PCBP3: variants seen among roughly 807,000 people sequenced by gnomAD.
PCBP3 encodes poly(rC) binding protein 3, also known as poly(rC)-binding protein 3.
PCBP3 carries 25 observed loss-of-function variants against 52.7 expected under a neutral mutation model. That is an observed-to-expected ratio of 0.47 (90% CI 0.35 to 0.66). The LOEUF is 0.66. PCBP3 is among the 30% of genes least tolerant of loss of function. The pLI is 0.01. For synonymous variants in PCBP3, 162 were observed against 183.0 expected, an observed-to-expected ratio of 0.89 and a Z score of 0.93; for missense variants, 391 against 490.3, an observed-to-expected ratio of 0.80 and a Z score of 1.91.
chr21:45,918,097 G>GAC, intron 13 of PCBP3: 1 of 210,016 alleles, frequency 4.8e-6, no homozygotes, highest in South Asian at 7.8e-5. Flanking sequence ...GAAAACATAG[G>GAC]GTCCATCTAC....
At chr21:45,766,224 C>G (rs949212050) in intron 4 of PCBP3, among the ~76,000 whole-genome samples, 1 of 152,228 alleles carries the variant, frequency 6.6e-6, no homozygotes, top group Non-Finnish European at 1.5e-5. Context: ...TGATGTGTTG[C>G]TGTGCCTCAC....
intron 4 of PCBP3, among the ~76,000 whole-genome samples, chr21:45,758,741 T>A (rs1305511098): frequency 6.6e-6 from 1 of 152,102 alleles, no homozygotes; most frequent in East Asian, 1.9e-4. Context: ...TTCTTTTACT[T>A]CTCTTAGGGT....
At chr21:45,922,384 T>C (rs1420316745) in intron 13 of PCBP3, among the ~76,000 whole-genome samples, 1 of 152,104 alleles carries the variant, frequency 6.6e-6, no homozygotes. Flanking sequence ...CAAGACCCCA[T>C]TTCTACAAAA....
intron 12 of PCBP3, chr21:45,916,363 T>C (rs1289276330): frequency 6.6e-6 from 1 of 152,202 alleles, no homozygotes; most frequent in African/African-American, 2.4e-5. Context: ...GACAGTGAGG[T>C]CCTTGGTTCC....
At chr21:45,823,812 A>G (rs1257083510) in intron 4 of PCBP3, among the ~76,000 whole-genome samples, 1 of 151,572 alleles carries the variant, frequency 6.6e-6, no homozygotes, top group Non-Finnish European at 1.5e-5. Flanking sequence ...CATGATCTCG[A>G]CTCACTGCAA....
rs1292131614 is a variant in PCBP3 at position 45,817,429 on chromosome 21, T to C, written c.-125-32532T>C. ...TCATGGAGTCCTTGCGTGCACAGCA[T>C]AGTATTTGGCCAACATCTTCCTGCA... On this transcript the variant is annotated intron_variant, in intron 4 of 17. Coordinates refer to ENST00000681687, the MANE Select transcript of PCBP3 (RefSeq NM_001384156.1). This position sits in a 1 kb window ranked among gnomAD's most constrained non-coding sequence, Gnocchi z 4.3. 1.3e-5 allele frequency among the ~76,000 whole-genome samples: 2 copies of C among 152,210 alleles called. No homozygotes were observed. The highest frequency in any genetic ancestry group is 2.1e-4 in the South Asian group (1 of 4,830).
At chr21:45,763,750 G>C (rs559356352) in intron 4 of PCBP3, 1 of 152,444 alleles carries the variant, frequency 6.6e-6, no homozygotes, top group South Asian at 2.1e-4. Flanking sequence ...CAGTGCCCTG[G>C]CGAGTGTCGC....
intron 11 of PCBP3, 32 bp downstream of exon 11, chr21:45,911,062 C>T (rs1226488192): frequency 6.2e-7 from 1 of 1,603,448 alleles, no homozygotes; most frequent in Non-Finnish European, 8.5e-7. Context: ...CAGCCCACGT[C>T]AGTGCTGGAT....
At chr21:45,723,245 C>T (rs954823410) in intron 2 of PCBP3, among the ~76,000 whole-genome samples, 5 of 152,160 alleles carry the variant, frequency 3.3e-5, no homozygotes, top group Admixed American at 2.6e-4. Flanking sequence ...CGTCTGCGGC[C>T]TAGTGGCCTG....
At chr21:45,811,494 G>A (rs556931483) in intron 4 of PCBP3, among the ~76,000 whole-genome samples, 7 of 152,344 alleles carry the variant, frequency 4.6e-5, no homozygotes, top group East Asian at 1.9e-4. Context: ...GGATAATCTC[G>A]CCATTGCAAG....
At chr21:45,874,933 G>C (rs1277543561) in intron 5 of PCBP3, among the ~76,000 whole-genome samples, 1 of 152,218 alleles carries the variant, frequency 6.6e-6, no homozygotes, top group East Asian at 1.9e-4. Flanking sequence ...GAGAGAGCAT[G>C]CAGGTCCCAA....
chr21:45,858,055 A>G (rs543830232), intron 5 of PCBP3, among the ~76,000 whole-genome samples: 5 of 152,250 alleles, frequency 3.3e-5, no homozygotes, highest in Admixed American at 6.5e-5. Context: ...CTTGCGGGCC[A>G]TGCCCCAGGG....
chr21:45,906,208 T>C (rs989626579), intron 9 of PCBP3, among the ~76,000 whole-genome samples: 1 of 152,196 alleles, frequency 6.6e-6, no homozygotes, highest in African/African-American at 2.4e-5. Flanking sequence ...CCCACCACCA[T>C]GAAGCACGTG....
intron 2 of PCBP3, among the ~76,000 whole-genome samples, chr21:45,669,785 C>T (rs2081030648): frequency 2.0e-5 from 2 of 98,588 alleles, no homozygotes; most frequent in Admixed American, 2.4e-4. Context: ...AATAATATTC[C>T]ATTGTGTGTG....
rs2080027347 is a variant in PCBP3, at chr21:45,656,498, G to A, written c.-278-12376G>A. Among the ~76,000 whole-genome samples the A allele has an allele frequency of 6.6e-6, 1 of 151,970 alleles. No homozygotes were observed. The highest frequency in any genetic ancestry group is 1.5e-5 in the Non-Finnish European group (1 of 67,992). On this transcript the variant is annotated intron_variant, in intron 1 of 17. Coordinates refer to ENST00000681687, the MANE Select transcript of PCBP3 (RefSeq NM_001384156.1). This position sits in a 1 kb window ranked among gnomAD's most constrained non-coding sequence, Gnocchi z 4.3. ...TCATACACCAGGGCCTGTCGGTGGT[G>A]GGGGCCTAGGGGAGGGATAGCATTA...
intron 11 of PCBP3, among the ~76,000 whole-genome samples, chr21:45,912,501 G>A (rs1021704310): frequency 3.3e-5 from 5 of 152,174 alleles, no homozygotes; most frequent in Non-Finnish European, 5.9e-5. Flanking sequence ...AGGAGATGAC[G>A]GAGGAAAGGG....
chr21:45,857,126 G>A (rs191651822), intron 5 of PCBP3, among the ~76,000 whole-genome samples: 245 of 152,308 alleles, frequency 1.6e-3, no homozygotes, highest in Non-Finnish European at 2.8e-3. Flanking sequence ...GGGAGGGCCT[G>A]GGAGAAAAAG....
chr21:45,808,948 C>A (rs1431871176), intron 4 of PCBP3, among the ~76,000 whole-genome samples: 1 of 152,138 alleles, frequency 6.6e-6, no homozygotes, highest in South Asian at 2.1e-4. Context: ...AACAGAAAAC[C>A]AAACACCACA....
intron 2 of PCBP3, among the ~76,000 whole-genome samples, chr21:45,700,614 C>T (rs1437625482): frequency 6.6e-6 from 1 of 152,064 alleles, no homozygotes; most frequent in Non-Finnish European, 1.5e-5. Context: ...TTTTTTTTCT[C>T]CACTGCGCAG....
Sources: allele counts gnomAD v4.1 joint callset (sites outside exome capture counted in the v4.1 genomes callset), GRCh38; gene constraint gnomAD v4.1.1; non-coding constraint Gnocchi (gnomAD v3.1); transcripts MANE v1.5; gene names NCBI Gene and HGNC (gene_info 2026-07-23, HGNC 2026-07-21).